Variants in PCDHGC5 observed in about 807,000 individuals in gnomAD.
The protein encoded by PCDHGC5 is protocadherin gamma-C5.
In PCDHGC5, 25 loss-of-function variants were observed where a neutral mutation model predicts 59.0. That is an observed-to-expected ratio of 0.42 (90% CI 0.31 to 0.59). The LOEUF is 0.59. Ranked by LOEUF, PCDHGC5 falls within the 20% of genes least tolerant of loss-of-function variation. The probability of loss-of-function intolerance (pLI) is 0.13; values close to 1 mark genes in which losing one functional copy is unlikely to be tolerated. For missense variants in PCDHGC5, 1,067 were observed against 1,206.4 expected (o/e 0.88, Z 1.71); for synonymous variants, 434 against 505.5 (o/e 0.86, Z 1.90).
chr5:141,496,511 C>T (rs1161285563), intron 2 of PCDHGC5, among the ~76,000 whole-genome samples: 1 of 152,182 alleles, frequency 6.6e-6, no homozygotes, highest in Non-Finnish European at 1.5e-5. Flanking sequence ...CACAAGGACC[C>T]AGGAGCCCTT....
intron 2 of PCDHGC5, among the ~76,000 whole-genome samples, chr5:141,501,009 C>T (rs2099804715): frequency 2.0e-5 from 3 of 152,040 alleles, no homozygotes; most frequent in Non-Finnish European, 4.4e-5. Context: ...GCTGGGACTA[C>T]AGGCACGCGC....
At chr5:141,504,634 AG>A (rs2099839600) in intron 2 of PCDHGC5, among the ~76,000 whole-genome samples, 1 of 115,756 alleles carries the variant, frequency 8.6e-6, no homozygotes, top group Non-Finnish European at 1.7e-5. Context: ...ACCTTGGAAA[AG>A]GTTTGATGAT....
At chr5:141,492,384 C>T (rs1001189412) in intron 1 of PCDHGC5, among the ~76,000 whole-genome samples, 1 of 152,230 alleles carries the variant, frequency 6.6e-6, no homozygotes, top group African/African-American at 2.4e-5. Context: ...AGGCCTGTTC[C>T]GGTCCACTCG....
At chr5:141,500,411 G>A (rs376320602) in intron 2 of PCDHGC5, among the ~76,000 whole-genome samples, 4 of 151,592 alleles carry the variant, frequency 2.6e-5, no homozygotes, top group East Asian at 2.0e-4. Context: ...GGGTTTCACC[G>A]TGTTAGCCAG....
rs1014896576 is a variant in PCDHGC5, at chr5:141,512,427, C to T, written c.*1254C>T. 6.5e-6 allele frequency: 1 copy of T among 152,788 alleles called. No individual in the cohort carries two copies. Among genetic ancestry groups the T allele is most frequent in the African/African-American group, 2.4e-5 (1 of 41,460 alleles). The allele number at this position is 152,788 out of a possible 1,614,324, so 9.5% of individuals were successfully genotyped here. A position where few individuals can be genotyped will look rare whatever the true frequency, so the allele number is the denominator to read the frequency against. On this transcript the variant is annotated 3_prime_UTR_variant, in exon 4 of 4. Transcript: ENST00000252087. ...GGGCTTCTTCAACAGGGCCCCTGCC[C>T]TCCTGAAGCCTCAGTCCTTCACCTT...
intron 2 of PCDHGC5, among the ~76,000 whole-genome samples, 199 bp downstream of exon 2, chr5:141,495,064 C>T (rs563712352): frequency 6.6e-6 from 1 of 152,296 alleles, no homozygotes; most frequent in South Asian, 2.1e-4. Context: ...GTTCAGGAAG[C>T]TCAATTCACA....
At position 141,489,257 on chromosome 5, in the gene PCDHGC5, T is replaced by TC. The variant is rs773157586; in HGVS notation, c.20dup (p.Gln8ThrfsTer33). The stretch of plus-strand genomic sequence containing the variant: ...TTCTGGGTCATGGGGCCCAAGACAC[T>TC]CCCACAGCTCGCTGGGAAATGGCAA... On this transcript the variant is annotated frameshift_variant, in exon 1 of 4. Coordinates refer to ENST00000252087, the MANE Select transcript of PCDHGC5 (RefSeq NM_018929.3). LOFTEE classifies it high-confidence loss of function. The surrounding 1 kb of genome is among the most constrained non-coding windows in gnomAD (Gnocchi z 4.5). 1 of 1,550,308 alleles carries TC rather than the reference T, an allele frequency of 6.5e-7. No homozygotes were observed. Among genetic ancestry groups the TC allele is most frequent in the Non-Finnish European group, 8.7e-7 (1 of 1,148,342 alleles).
rs1348847945 is a variant in PCDHGC5, at chr5:141,493,426, C to G, written c.2461-1381C>G. ...TGCCTCTGCTGGGATTTTGCTTCTG[C>G]TGGGATGGGGCAAGGGTGGGGTTCC... On this transcript the variant is annotated intron_variant, in intron 1 of 3. Transcript: ENST00000252087. The surrounding 1 kb of genome is among the most constrained non-coding windows in gnomAD (Gnocchi z 4.3). Among the ~76,000 whole-genome samples, 2 of 152,144 alleles carry G rather than the reference C, an allele frequency of 1.3e-5. No homozygotes were observed. The highest frequency in any genetic ancestry group is 4.8e-5 in the African/African-American group (2 of 41,424).
At chr5:141,510,824 A>G (rs947400590) in intron 3 of PCDHGC5, 123 bp from the exon 4 acceptor site, 2 of 1,563,416 alleles carry the variant, frequency 1.3e-6, no homozygotes, top group Non-Finnish European at 1.7e-6. Flanking sequence ...CTATATTCCC[A>G]GTGCTCAGCG....
At chr5:141,498,947 AAAAG>A (rs1475471777) in intron 2 of PCDHGC5, among the ~76,000 whole-genome samples, 1 of 145,446 alleles carries the variant, frequency 6.9e-6, no homozygotes, top group African/African-American at 2.6e-5. Context: ...GAAAGAAAGA[AAAAG>A]AGAGAGAGGG....
rs1292277026 is a variant in PCDHGC5 at position 141,489,814 on chromosome 5, CCA to C, written c.575_576del (p.Pro192ArgfsTer11). 6 of 1,614,024 alleles carry C rather than the reference CCA, an allele frequency of 3.7e-6. No homozygotes were observed. Among genetic ancestry groups the C allele is most frequent in the Non-Finnish European group, 8.5e-7 (1 of 1,180,004 alleles). ...GACCCTAAAAGATGGGAAGCCATTC[CCA>C]GAGCTGGTGCTAGAGCAGCAGCTGG... ...VKTLKDGKPF[P>X]ELVLEQQLDR... is the part of the protein sequence containing the mutation. On this transcript the variant is annotated frameshift_variant, in exon 1 of 4. Transcript: ENST00000252087. LOFTEE classifies it high-confidence loss of function. This position sits in a 1 kb window ranked among gnomAD's most constrained non-coding sequence, Gnocchi z 4.5.
At chr5:141,494,768 C>T (rs758949982) in intron 1 of PCDHGC5, 39 bp from the exon 2 acceptor site, 1 of 1,614,060 alleles carries the variant, frequency 6.2e-7, no homozygotes, top group South Asian at 1.1e-5. Flanking sequence ...TCTAACTTCT[C>T]ACGGGTACTC....
chr5:141,490,549 C>T lies in PCDHGC5; in HGVS notation c.1309C>T (p.His437Tyr), dbSNP rs2099701539. ...SDAGSPSLHK[H>Y]LTIRLNISDV... is the part of the protein sequence containing the mutation. ...TGCTGGTTCACCTTCCCTACACAAA[C>T]ATCTCACCATCAGGCTCAACATTTC... Residue 437 changes from histidine to tyrosine, a missense_variant, in exon 1 of 4, where the codon CAT becomes TAT. Transcript: ENST00000252087. The surrounding 1 kb of genome is among the most constrained non-coding windows in gnomAD (Gnocchi z 5.4). The T allele has an allele frequency of 1.9e-6, 3 of 1,614,178 alleles. No homozygotes were observed. The highest frequency in any genetic ancestry group is 1.7e-6 in the Non-Finnish European group (2 of 1,180,024).
intron 2 of PCDHGC5, among the ~76,000 whole-genome samples, chr5:141,504,799 C>A (rs1474096570): frequency 6.6e-6 from 1 of 151,994 alleles, no homozygotes; most frequent in African/African-American, 2.4e-5. Context: ...CCTACATCTC[C>A]CCCTAGGTAC....
In PCDHGC5 at chr5:141,491,359, G is replaced by C. The variant is rs764159829; in HGVS notation, c.2119G>C (p.Val707Leu). 3 of 1,614,154 alleles carry C rather than the reference G, an allele frequency of 1.9e-6. No homozygotes were observed. In the East Asian group the frequency reaches 6.7e-5, roughly 36 times the overall value. The change falls in exon 1 of 4, where the codon GTC (valine) becomes CTC (leucine). Residue 707 changes from valine (V) to leucine (L), a missense_variant. By Grantham distance (32) the Val-to-Leu change is conservative (BLOSUM62 1). Coordinates refer to ENST00000252087, the MANE Select transcript of PCDHGC5 (RefSeq NM_018929.3). This position sits in a 1 kb window ranked among gnomAD's most constrained non-coding sequence, Gnocchi z 6.9. ...AGCGACCGTCAGTCTCTTATCCCTA[G>C]TCACCTTCACCTTTCTGTCAGCGAA... ...ALATVSLLSLVTFTFLSAKCL... is the reference protein window; with the variant it reads ...ALATVSLLSLLTFTFLSAKCL...
At chr5:141,509,574 G>A (rs554778751) in intron 3 of PCDHGC5, among the ~76,000 whole-genome samples, 7 of 152,182 alleles carry the variant, frequency 4.6e-5, no homozygotes, top group Non-Finnish European at 5.9e-5. Flanking sequence ...TTCACAGTGC[G>A]TACAAATCAG....
intron 2 of PCDHGC5, among the ~76,000 whole-genome samples, chr5:141,504,280 C>T (rs1027657223): frequency 6.6e-6 from 1 of 152,076 alleles, no homozygotes; most frequent in Admixed American, 6.6e-5. Context: ...AATTATGAAT[C>T]ATTTCATGTT....
At position 141,490,346 on chromosome 5, in the gene PCDHGC5, T is replaced by G. The variant is rs1396321935; in HGVS notation, c.1106T>G (p.Val369Gly). 1.2e-6 allele frequency: 2 copies of G among 1,614,046 alleles called. No individual in the cohort carries two copies. Among genetic ancestry groups the G allele is most frequent in the African/African-American group, 2.7e-5 (2 of 74,900 alleles). ...GAGAGCACACCAGTGGGCACAGTAG[T>G]GGGGTTGTTTAATGTGCGAGACCGG... The part of the protein sequence containing the change: ...VLESTPVGTV[V>G]GLFNVRDRDS... The change falls in exon 1 of 4, where the codon GTG becomes GGG. Residue 369 changes from valine (V) to glycine (G), a missense_variant. Physicochemically the swap from Val to Gly is moderately radical, Grantham distance 109 (BLOSUM62 -3). Coordinates refer to ENST00000252087, the MANE Select transcript of PCDHGC5 (RefSeq NM_018929.3). This position sits in a 1 kb window ranked among gnomAD's most constrained non-coding sequence, Gnocchi z 5.4.
In PCDHGC5 at chr5:141,493,103, A is replaced by G. The variant is rs1396614836; in HGVS notation, c.2460+1403A>G. Among the ~76,000 whole-genome samples the G allele has an allele frequency of 6.6e-6, 1 of 152,086 alleles. No homozygotes were observed. The highest frequency in any genetic ancestry group is 1.5e-5 in the Non-Finnish European group (1 of 68,022). On this transcript the variant is annotated intron_variant, in intron 1 of 3. Transcript: ENST00000252087. The surrounding 1 kb of genome is among the most constrained non-coding windows in gnomAD (Gnocchi z 4.3). ...AGGAGCTTTTATTCAAAATATATCA[A>G]TGCCTAACTCTGCTCCTAGGACTGT...
Sources: allele counts gnomAD v4.1 joint callset (sites outside exome capture counted in the v4.1 genomes callset), GRCh38; gene constraint gnomAD v4.1.1; non-coding constraint Gnocchi (gnomAD v3.1); transcripts MANE v1.5; gene names NCBI Gene and HGNC (gene_info 2026-07-23, HGNC 2026-07-21).